Variants in DBF4B observed in about 807,000 individuals in gnomAD.
DBF4B encodes the protein protein DBF4 homolog B.
Under a neutral mutation model 53.4 loss-of-function variants are expected in DBF4B, and 49 were observed. The ratio of observed to expected loss-of-function variants is 0.92; its 90% confidence interval spans 0.73 to 1.16. The LOEUF is 1.16. Ranked by LOEUF, DBF4B falls within the 50% of genes most tolerant of loss-of-function variation. The pLI is 0.00. For missense variants in DBF4B, 692 were observed against 775.0 expected, an observed-to-expected ratio of 0.89 and a Z score of 1.27; for synonymous variants, 257 against 288.7, an observed-to-expected ratio of 0.89 and a Z score of 1.11.
chr17:44,750,567 A>G (rs1167980232), intron 13 of DBF4B, 28 bp from the exon 14 acceptor site: 3 of 1,575,720 alleles, frequency 1.9e-6, no homozygotes, highest in South Asian at 1.1e-5. Context: ...CTGGAATGCC[A>G]TATGTCGGTC....
intron 10 of DBF4B, among the ~76,000 whole-genome samples, chr17:44,745,117 A>G (rs1481638489): frequency 2.6e-5 from 4 of 152,070 alleles, no homozygotes; most frequent in Non-Finnish European, 5.9e-5. Flanking sequence ...TTTTTTGTAG[A>G]GGTGGGGTTT....
chr17:44,708,679 G>A lies in DBF4B; in HGVS notation c.-142G>A. 2 of 994,338 alleles carry A rather than the reference G, an allele frequency of 2.0e-6. No homozygotes were observed. Among genetic ancestry groups the A allele is most frequent in the Non-Finnish European group, 2.8e-6 (2 of 716,338 alleles). 61.6% of individuals were successfully genotyped at this position (994,338 alleles called of 1,614,324 possible). ...GCAGGAAATTTAAACTGAAGCCGCG[G>A]CCGAAAACGCCAAGAGATTGATGCT... On this transcript the variant is annotated 5_prime_UTR_variant, in exon 1 of 14. Coordinates refer to ENST00000315005, the MANE Select transcript of DBF4B (RefSeq NM_145663.3).
intron 5 of DBF4B, chr17:44,731,827 G>A: frequency 9.4e-6 from 2 of 212,528 alleles, no homozygotes; most frequent in South Asian, 1.7e-4. Context: ...TGAGGATGAT[G>A]GTCACCGTGT....
chr17:44,750,684 G>A lies in DBF4B; in HGVS notation c.1279G>A (p.Ala427Thr), dbSNP rs543859875. Residue 427 changes from alanine (A) to threonine (T), a missense_variant, in exon 14 of 14, where the codon GCC becomes ACC. Ala to Thr is a moderately conservative substitution (Grantham distance 58). Transcript: ENST00000315005. Reference sequence around the variant, plus strand: ...TCCTGCAAGTCACACATGTGTGAGTGCCACAACCCTCCTGCCGGCCTTGCC... The same window carrying A: ...TCCTGCAAGTCACACATGTGTGAGTACCACAACCCTCCTGCCGGCCTTGCC... The part of the protein sequence containing the change: ...GPPASHTCVS[A>T]TTLLPALPKG... 226 of 1,614,058 alleles carry A rather than the reference G, an allele frequency of 1.4e-4. 3 individuals are homozygous for A. In the South Asian group the frequency reaches 2.4e-3, roughly 17 times the overall value.
intron 3 of DBF4B, among the ~76,000 whole-genome samples, chr17:44,725,852 C>G (rs1974283763): frequency 6.6e-6 from 1 of 151,514 alleles, no homozygotes; most frequent in African/African-American, 2.4e-5. Flanking sequence ...ATGCCCTGCT[C>G]ATTTTTGTAT....
At chr17:44,714,178 G>A (rs1287166931) in intron 2 of DBF4B, among the ~76,000 whole-genome samples, 1 of 152,092 alleles carries the variant, frequency 6.6e-6, no homozygotes, top group Non-Finnish European at 1.5e-5. Flanking sequence ...TGATGAGGGG[G>A]AAGGTTAGGA....
chr17:44,750,742 C>T lies in DBF4B; in HGVS notation c.1337C>T (p.Pro446Leu). The T allele has an allele frequency of 6.2e-7, 1 of 1,614,174 alleles. No homozygotes were observed. Among genetic ancestry groups the T allele is most frequent in the Non-Finnish European group, 8.5e-7 (1 of 1,180,038 alleles). Residue 446 changes from proline to leucine, a missense_variant, in exon 14 of 14, where the codon CCC (proline) becomes CTC (leucine). Physicochemically the swap from Pro to Leu is moderately conservative, Grantham distance 98. Around this residue, in one of 3 missense-constraint regions of DBF4B, gnomAD observed 597 missense variants for 665.8 expected, o/e 0.90. Transcript: ENST00000315005. ...TCCAGGGAGCAGGGCTGCCTCTGTC[C>T]CTGCCCAGCCTCCTTTACCCAGTCT... ...KGSREQGCLC[P>L]CPASFTQSHL...
At chr17:44,745,004 T>G (rs1355916158) in intron 10 of DBF4B, among the ~76,000 whole-genome samples, 4 of 152,140 alleles carry the variant, frequency 2.6e-5, no homozygotes, top group African/African-American at 9.7e-5. Flanking sequence ...TTTTCTCTGG[T>G]CACTGCAACC....
chr17:44,709,492 C>T (rs1972672905), intron 2 of DBF4B, 126 bp downstream of exon 2: 1 of 1,069,288 alleles, frequency 9.4e-7, no homozygotes. Context: ...CTTATTTATT[C>T]ATTTTATTTA....
chr17:44,744,060 C>T (rs1976340018), intron 10 of DBF4B, among the ~76,000 whole-genome samples: 1 of 142,312 alleles, frequency 7.0e-6, no homozygotes, highest in African/African-American at 2.7e-5. Flanking sequence ...TCGAGACCAG[C>T]CTGGGCAACA....
At position 44,750,640 on chromosome 17, in the gene DBF4B, T is replaced by C. The variant is rs764522771; in HGVS notation, c.1235T>C (p.Leu412Pro). ...AAGQQRWTES[L>P]DGVMGPPASH... The stretch of plus-strand genomic sequence containing the variant: ...GGCCAGCAGCGATGGACAGAATCAC[T>C]AGATGGTGTGATGGGACCTCCTGCA... The change falls in exon 14 of 14, where the codon CTA becomes CCA. Residue 412 changes from leucine to proline, a missense_variant. Physicochemically the swap from Leu to Pro is moderately conservative, Grantham distance 98 (BLOSUM62 -3). Coordinates refer to ENST00000315005, the MANE Select transcript of DBF4B (RefSeq NM_145663.3). 6.2e-7 allele frequency: 1 copy of C among 1,613,918 alleles called. No homozygotes were observed. The highest frequency in any genetic ancestry group is 2.2e-5 in the East Asian group (1 of 44,882).
At chr17:44,725,933 C>A (rs1374957417) in intron 3 of DBF4B, among the ~76,000 whole-genome samples, 2 of 151,974 alleles carry the variant, frequency 1.3e-5, no homozygotes, top group African/African-American at 4.8e-5. Flanking sequence ...AGTAATCCTC[C>A]CACCTCAGCC....
intron 8 of DBF4B, 74 bp from the exon 9 acceptor site, chr17:44,738,305 A>G: frequency 2.7e-6 from 4 of 1,488,034 alleles, no homozygotes; most frequent in Non-Finnish European, 3.7e-6. Flanking sequence ...CCCTCTCAGC[A>G]TTTCCTGCAT....
intron 2 of DBF4B, among the ~76,000 whole-genome samples, chr17:44,711,971 C>T (rs1031786517): frequency 2.0e-5 from 3 of 151,666 alleles, no homozygotes; most frequent in African/African-American, 7.3e-5. Context: ...GTGGCAGGCT[C>T]CTATAATCCC....
intron 13 of DBF4B, 151 bp downstream of exon 13, chr17:44,748,616 G>A: frequency 6.6e-7 from 1 of 1,519,924 alleles, no homozygotes; most frequent in Non-Finnish European, 8.8e-7. Context: ...CCAGTGTCCA[G>A]GAGCCCTGCT....
Position 44,751,308 on chromosome 17 carries a change from G to A in DBF4B, c.*55G>A, listed in dbSNP as rs1479870030. On this transcript the variant is annotated 3_prime_UTR_variant, in exon 14 of 14. Transcript: ENST00000315005. ...CCAGGATGGATGGGTGCTGCTTGATGTGAATGAGGTCCCGCAGTGGCTCCT... is the reference window on the plus strand; with the variant it reads ...CCAGGATGGATGGGTGCTGCTTGATATGAATGAGGTCCCGCAGTGGCTCCT... 31 of 1,561,360 alleles carry A rather than the reference G, an allele frequency of 2.0e-5. 1 individual carries two copies. The South Asian group carries it at 3.6e-4, about 18-fold the overall frequency.
Position 44,747,194 on chromosome 17 carries a change from G to C in DBF4B, c.939+3G>C. 1 of 1,613,896 alleles carries C rather than the reference G, an allele frequency of 6.2e-7. No individual in the cohort carries two copies. Among genetic ancestry groups the C allele is most frequent in the Non-Finnish European group, 8.5e-7 (1 of 1,179,940 alleles). On this transcript the variant is annotated splice_donor_region_variant and intron_variant, in intron 11 of 13. Transcript: ENST00000315005. ...AGGCCTTCGAGGAGCTCCATGTGGTGAGCCCCTTCCCCATTAAGCAGCTGC... is the reference window on the plus strand; with the variant it reads ...AGGCCTTCGAGGAGCTCCATGTGGTCAGCCCCTTCCCCATTAAGCAGCTGC...
chr17:44,718,654 A>G (rs570641019), intron 2 of DBF4B, among the ~76,000 whole-genome samples: 1 of 152,210 alleles, frequency 6.6e-6, no homozygotes, highest in East Asian at 1.9e-4. Flanking sequence ...CATGATGAAG[A>G]TAAGATAAAT....
chr17:44,731,544 A>C (rs1974832244), intron 5 of DBF4B: 1 of 162,236 alleles, frequency 6.2e-6, no homozygotes. Flanking sequence ...TGGAGGTTGC[A>C]GTGAGCCGAG....
Sources: gnomAD v4.1 joint callset for allele counts (sites outside exome capture counted in the v4.1 genomes callset) on GRCh38, gnomAD v4.1.1 for gene constraint, gnomAD v4.1.1 regional missense constraint, MANE v1.5 for transcripts, NCBI Gene and HGNC (gene_info 2026-07-23, HGNC 2026-07-21) for gene names.